The following LY75 variants were observed in gnomAD, a reference collection of about 807,000 sequenced individuals.
The protein encoded by LY75 is lymphocyte antigen 75.
Under a neutral mutation model 231.7 loss-of-function variants are expected in LY75, and 185 were observed. That is an observed-to-expected ratio of 0.80 (90% CI 0.71 to 0.90). The LOEUF (loss-of-function observed/expected upper bound fraction) is 0.90, where lower values mean the gene tolerates loss of function less well. LY75 is among the 40% of genes least tolerant of loss of function. The pLI, the probability that LY75 is intolerant of heterozygous loss-of-function variation, is 0.00. For missense variants in LY75, 1,947 were observed against 2,050.2 expected, an observed-to-expected ratio of 0.95 and a Z score of 0.97; for synonymous variants, 668 against 689.0, an observed-to-expected ratio of 0.97 and a Z score of 0.48.
chr2:159,814,527 T>TA (rs1683057682), intron 31 of LY75, among the ~76,000 whole-genome samples: 1 of 150,740 alleles, frequency 6.6e-6, no homozygotes, highest in Non-Finnish European at 1.5e-5. Flanking sequence ...TGGTGGCATG[T>TA]GTATGTGGTC....
At position 159,872,535 on chromosome 2, in the gene LY75, C is replaced by A. The variant is rs767892730; in HGVS notation, c.2033G>T (p.Cys678Phe). 2.5e-6 allele frequency: 4 copies of A among 1,613,990 alleles called. No individual in the cohort carries two copies. Among genetic ancestry groups the A allele is most frequent in the Non-Finnish European group, 3.4e-6 (4 of 1,179,944 alleles). Residue 678 changes from cysteine to phenylalanine, a missense_variant, in exon 13 of 35, where the codon TGC (cysteine) becomes TTC (phenylalanine). Transcript: ENST00000263636. ...KRNWEEAERFCQALGAHLSSF... is the reference protein window; with the variant it reads ...KRNWEEAERFFQALGAHLSSF... ...AGAAAGGTGTGCTCCAAGGGCTTGGCAGAATCGTTCAGCTTCTTCCCAGTT... is the reference window on the plus strand; with the variant it reads ...AGAAAGGTGTGCTCCAAGGGCTTGGAAGAATCGTTCAGCTTCTTCCCAGTT...
chr2:159,870,264 A>G (rs1010980301), intron 13 of LY75, among the ~76,000 whole-genome samples: 1 of 152,126 alleles, frequency 6.6e-6, no homozygotes, highest in Non-Finnish European at 1.5e-5. Flanking sequence ...TAGCCTGGGC[A>G]ACATGGAAAA....
chr2:159,855,739 C>A (rs1166034798), intron 16 of LY75, among the ~76,000 whole-genome samples: 1 of 152,170 alleles, frequency 6.6e-6, no homozygotes, highest in African/African-American at 2.4e-5. Context: ...CAGCACAGGA[C>A]CAGGCACAGG....
chr2:159,867,555 C>A lies in LY75; in HGVS notation c.2118-2635G>T, dbSNP rs146449211. On this transcript the variant is annotated intron_variant, in intron 13 of 34. Transcript: ENST00000263636. ...AAACTATTGGGTTAAGAAGAGATAG[C>A]GTAAAAGGTTAATATGTGTAATTGT... Among the ~76,000 whole-genome samples, 7 of 152,224 alleles carry A rather than the reference C, an allele frequency of 4.6e-5. No homozygotes were observed. The South Asian group carries it at 1.5e-3, about 32-fold the overall frequency.
intron 12 of LY75, among the ~76,000 whole-genome samples, chr2:159,874,830 A>G (rs111214958): frequency 1.3e-5 from 1 of 77,872 alleles, no homozygotes; most frequent in Non-Finnish European, 2.6e-5. Context: ...AAATATATAT[A>G]TTTTGTAAAT....
chr2:159,836,946 G>A (rs1346941692), intron 25 of LY75, among the ~76,000 whole-genome samples: 1 of 152,164 alleles, frequency 6.6e-6, no homozygotes, highest in Non-Finnish European at 1.5e-5. Context: ...TGAATACAAA[G>A]TATGAAGACT....
intron 27 of LY75, among the ~76,000 whole-genome samples, chr2:159,832,719 C>T (rs1008632617): frequency 2.0e-5 from 3 of 152,180 alleles, no homozygotes; most frequent in Non-Finnish European, 4.4e-5. Flanking sequence ...CAACAGGAAG[C>T]TATGGTGTCT....
chr2:159,816,589 T>TG (rs1204119729), intron 30 of LY75, among the ~76,000 whole-genome samples: 1 of 152,336 alleles, frequency 6.6e-6, no homozygotes, highest in African/African-American at 2.4e-5. Flanking sequence ...AGTCATCCAC[T>TG]GGGCCCTTGG....
intron 21 of LY75, among the ~76,000 whole-genome samples, chr2:159,850,786 ATATAT>A (rs201356469): frequency 0.015 from 1,595 of 108,126 alleles, 151 homozygotes; most frequent in Admixed American, 0.033. Flanking sequence ...ATATATATAT[ATATAT>A]ATATATATTA....
intron 1 of LY75, among the ~76,000 whole-genome samples, chr2:159,899,679 A>G (rs1686015168): frequency 6.6e-6 from 1 of 152,236 alleles, no homozygotes; most frequent in South Asian, 2.1e-4. Context: ...TGGGGCCACT[A>G]AAAAGGAAAA....
intron 28 of LY75, among the ~76,000 whole-genome samples, chr2:159,825,465 A>G (rs1411001538): frequency 6.6e-6 from 1 of 152,254 alleles, no homozygotes; most frequent in African/African-American, 2.4e-5. Flanking sequence ...GGCAGTAATT[A>G]ATAGCCTACC....
intron 29 of LY75, among the ~76,000 whole-genome samples, chr2:159,818,330 C>T (rs1683184408): frequency 6.6e-6 from 1 of 152,194 alleles, no homozygotes; most frequent in South Asian, 2.1e-4. Flanking sequence ...ATAGTACATG[C>T]TGTCCATGTG....
intron 14 of LY75, among the ~76,000 whole-genome samples, chr2:159,862,750 G>T (rs1684752281): frequency 6.6e-6 from 1 of 152,090 alleles, no homozygotes; most frequent in Admixed American, 6.5e-5. Context: ...TATATACATT[G>T]TGGACTGACT....
chr2:159,890,197 T>C lies in LY75; in HGVS notation c.802+16A>G, dbSNP rs1243376191. 1.2e-6 allele frequency: 2 copies of C among 1,604,600 alleles called. No homozygotes were observed. The highest frequency in any genetic ancestry group is 1.7e-6 in the Non-Finnish European group (2 of 1,175,876). ...ATTTTAGCCAATTTGCTCTATCACA[T>C]GCAAATAAAATCTACCTTTAAGGTA... On this transcript the variant is annotated intron_variant, in intron 4 of 34. Transcript: ENST00000263636.
chr2:159,842,655 C>A (rs61010155), intron 23 of LY75, among the ~76,000 whole-genome samples: 59,358 of 151,944 alleles, frequency 0.39, 14,572 homozygotes, highest in Non-Finnish European at 0.55. Flanking sequence ...ATTTAACACT[C>A]GACTACAGTA....
At chr2:159,882,049 C>T (rs2125876170) in intron 7 of LY75, 75 bp downstream of exon 7, 1 of 1,508,130 alleles carries the variant, frequency 6.6e-7, no homozygotes, top group Non-Finnish European at 8.9e-7. Context: ...GCTTTTCATT[C>T]CCACAAAGAG....
chr2:159,820,560 G>T (rs548332810), intron 28 of LY75, among the ~76,000 whole-genome samples: 1 of 152,090 alleles, frequency 6.6e-6, no homozygotes, highest in Non-Finnish European at 1.5e-5. Context: ...AGGGATAAAA[G>T]ATTACACACT....
Position 159,820,432 on chromosome 2 carries a change from G to A in LY75, c.3959-512C>T, listed in dbSNP as rs544074338. ...TCATTATTCTAAGTGAAGTAACTCA[G>A]GAATGGAAAACCAAACATTGTGTGT... is the stretch of plus-strand genomic sequence containing the variant. On this transcript the variant is annotated intron_variant, in intron 28 of 34. Coordinates refer to ENST00000263636, the MANE Select transcript of LY75 (RefSeq NM_002349.4). Among the ~76,000 whole-genome samples, 3 of 152,330 alleles carry A rather than the reference G, an allele frequency of 2.0e-5. No individual in the cohort carries two copies. In the South Asian group the frequency reaches 6.2e-4, roughly 32 times the overall value.
In LY75 at chr2:159,882,157, C is replaced by G; in HGVS notation, c.1213G>C (p.Val405Leu). 1.9e-6 allele frequency: 3 copies of G among 1,613,580 alleles called. No individual in the cohort carries two copies. Among genetic ancestry groups the G allele is most frequent in the Non-Finnish European group, 2.5e-6 (3 of 1,179,742 alleles). Residue 405 changes from valine (V) to leucine (L), a missense_variant, in exon 7 of 35, where the codon GTG (valine) becomes CTG (leucine). By Grantham distance (32) the Val-to-Leu change is conservative. Transcript: ENST00000263636. ...DLISIHSLADVEVVVTKLHNE... is the reference protein window; with the variant it reads ...DLISIHSLADLEVVVTKLHNE... Reference sequence around the variant, plus strand: ...TGGAGTTTTGTGACAACCACCTCCACATCTGCTAGAGAATGAATGCTGATT... The same window carrying G: ...TGGAGTTTTGTGACAACCACCTCCAGATCTGCTAGAGAATGAATGCTGATT...
Sources: gnomAD v4.1 joint callset for allele counts (sites outside exome capture counted in the v4.1 genomes callset) on GRCh38, gnomAD v4.1.1 for gene constraint, MANE v1.5 for transcripts, NCBI Gene and HGNC (gene_info 2026-07-23, HGNC 2026-07-21) for gene names.